UBC: variants seen among roughly 807,000 people sequenced by gnomAD.
UBC encodes ubiquitin C.
UBC carries 8 observed loss-of-function variants against 34.7 expected under a neutral mutation model. That is an observed-to-expected ratio of 0.23 (90% CI 0.14 to 0.42). UBC has a LOEUF of 0.42. UBC is among the 10% of genes least tolerant of loss of function. The pLI, the probability that UBC is intolerant of heterozygous loss-of-function variation, is 1.00. For synonymous variants in UBC, 367 were observed against 299.8 expected, an observed-to-expected ratio of 1.22 and a Z score of -2.32; for missense variants, 323 against 750.3, an observed-to-expected ratio of 0.43 and a Z score of 6.65.
Position 124,913,499 on chromosome 12 carries a change from A to C in UBC, c.273T>G (p.Leu91=), listed in dbSNP as rs776748275. ...VKTLTGKTIT[L]EVEPSDTIEN... ...CGATGGTGTCACTGGGCTCGACCTC[A>C]AGGGTGATGGTCTTGCCAGTGAGTG... The change falls in exon 2 of 2, where the codon CTT becomes CTG. Residue 91 remains leucine (L), a synonymous_variant. Coordinates refer to ENST00000339647, the MANE Select transcript of UBC (RefSeq NM_021009.7). 2 of 1,574,478 alleles carry C rather than the reference A, an allele frequency of 1.3e-6. No individual in the cohort carries two copies. Among genetic ancestry groups the C allele is most frequent in the African/African-American group, 1.6e-5 (1 of 62,026 alleles).
rs1395255980 is a variant in UBC at position 124,912,999 on chromosome 12, A to G, written c.773T>C (p.Ile258Thr). 1.2e-6 allele frequency: 2 copies of G among 1,610,856 alleles called. No individual in the cohort carries two copies. The highest frequency in any genetic ancestry group is 1.7e-6 in the Non-Finnish European group (2 of 1,179,006). Residue 258 changes from isoleucine (I) to threonine (T), a missense_variant, in exon 2 of 2, where the codon ATC becomes ACC. Ile to Thr is a moderately conservative substitution (Grantham distance 89, BLOSUM62 -1). This residue lies in a region of UBC where 202 missense variants were observed against 361.9 expected (regional missense o/e 0.56). Transcript: ENST00000339647. Reference sequence around the variant, plus strand: ...AGGAGGAATGCCTTCCTTGTCTTGGATCTTTGCTTTGACGTTCTCGATAGT... The same window carrying G: ...AGGAGGAATGCCTTCCTTGTCTTGGGTCTTTGCTTTGACGTTCTCGATAGT... ...SDTIENVKAK[I>T]QDKEGIPPDQ...
Position 124,911,831 on chromosome 12 carries a change from A to C in UBC, c.1941T>G (p.Asp647Glu). 6.5e-7 allele frequency: 1 copy of C among 1,527,688 alleles called. No homozygotes were observed. The highest frequency in any genetic ancestry group is 8.8e-7 in the Non-Finnish European group (1 of 1,134,670). 94.6% of individuals were successfully genotyped at this position (1,527,688 alleles called of 1,614,324 possible). Reference sequence around the variant, plus strand: ...TCCCAGCAAAGATCAACCTCTGCTGATCAGGAGGGATGCCTTCCTTATCTT... The same window carrying C: ...TCCCAGCAAAGATCAACCTCTGCTGCTCAGGAGGGATGCCTTCCTTATCTT... ...KIQDKEGIPPDQQRLIFAGKQ... is the reference protein window; with the variant it reads ...KIQDKEGIPPEQQRLIFAGKQ... Residue 647 changes from aspartate (D) to glutamate (E), a missense_variant, in exon 2 of 2, where the codon GAT (aspartate) becomes GAG (glutamate). Transcript: ENST00000339647.
rs1953539521 is a variant in UBC, at chr12:124,912,653, C to A, written c.1119G>T (p.Leu373=). 3.1e-6 allele frequency: 5 copies of A among 1,611,094 alleles called. No individual in the cohort carries two copies. The highest frequency in any genetic ancestry group is 2.7e-5 in the African/African-American group (2 of 73,862). The part of the protein sequence containing the change: ...YNIQKESTLH[L]VLRLRGGMQI... ...GCATCCCACCTCTGAGACGGAGCAC[C>A]AGGTGCAAGGTGGACTCTTTCTGGA... Residue 373 remains leucine (L), a synonymous_variant, in exon 2 of 2, where the codon CTG becomes CTT. Coordinates refer to ENST00000339647, the MANE Select transcript of UBC (RefSeq NM_021009.7).
chr12:124,913,881 A>C (rs1462452636), intron 1 of UBC, 107 bp from the exon 2 acceptor site: 2 of 1,517,208 alleles, frequency 1.3e-6, no homozygotes, highest in Non-Finnish European at 1.8e-6. Flanking sequence ...GTGCCTAAAA[A>C]ACTTCACAAA....
In UBC at chr12:124,913,652, C is replaced by T. The variant is rs911304137; in HGVS notation, c.120G>A (p.Gln40=). 3 of 1,613,486 alleles carry T rather than the reference C, an allele frequency of 1.9e-6. No homozygotes were observed. The highest frequency in any genetic ancestry group is 1.1e-5 in the South Asian group (1 of 91,028). The part of the protein sequence containing the change: ...IQDKEGIPPD[Q]QRLIFAGKQL... ...GTTTTCCAGCAAAGATCAGCCTCTG[C>T]TGGTCAGGAGGGATGCCTTCCTTAT... is the stretch of plus-strand genomic sequence containing the variant. Residue 40 remains glutamine, a synonymous_variant, in exon 2 of 2, where the codon CAG becomes CAA. Transcript: ENST00000339647.
chr12:124,914,031 G>C (rs1044721974), intron 1 of UBC: 1 of 558,796 alleles, frequency 1.8e-6, no homozygotes, highest in Non-Finnish European at 3.1e-6. Flanking sequence ...GTCGATTCAG[G>C]AGAGCCTACC....
chr12:124,912,563 A>T lies in UBC; in HGVS notation c.1209T>A (p.Ile403=). 1.9e-6 allele frequency: 3 copies of T among 1,551,898 alleles called. No homozygotes were observed. The highest frequency in any genetic ancestry group is 8.6e-7 in the Non-Finnish European group (1 of 1,156,390). Residue 403 remains isoleucine, a synonymous_variant, in exon 2 of 2, where the codon ATT becomes ATA. Transcript: ENST00000339647. ...ITLEVEPSDT[I]ENVKAKIQDK... ...CTTGGATCTTTGCCTTGACATTCTC[A>T]ATGGTGTCACTCGGCTCCACCTCGA...
chr12:124,911,902 C>T lies in UBC; in HGVS notation c.1870G>A (p.Glu624Lys), dbSNP rs763790896. 1 of 1,608,616 alleles carries T rather than the reference C, an allele frequency of 6.2e-7. No homozygotes were observed. Among genetic ancestry groups the T allele is most frequent in the Non-Finnish European group, 8.5e-7 (1 of 1,178,216 alleles). The change falls in exon 2 of 2, where the codon GAG becomes AAG. Residue 624 changes from glutamate to lysine, a missense_variant. Transcript: ENST00000339647. The part of the protein sequence containing the change: ...KTLTGKTITL[E>K]VEPSDTIENV... ...TCGATGGTGTCACTGGGCTCCACCTCGAGGGTGATGGTCTTACCAGTCAGG... is the reference window on the plus strand; with the variant it reads ...TCGATGGTGTCACTGGGCTCCACCTTGAGGGTGATGGTCTTACCAGTCAGG...
At position 124,913,542 on chromosome 12, in the gene UBC, A is replaced by T. The variant is rs1011982505; in HGVS notation, c.230T>A (p.Met77Lys). ...AGTGAGTGTCTTCACGAAGATTTGC[A>T]TCCCACCTCTGAGACGGAGCACCAG... ...LHLVLRLRGGMQIFVKTLTGK... is the reference protein window; with the variant it reads ...LHLVLRLRGGKQIFVKTLTGK... Residue 77 changes from methionine to lysine, a missense_variant, in exon 2 of 2, where the codon ATG becomes AAG. This residue lies in a region of UBC where 202 missense variants were observed against 361.9 expected (regional missense o/e 0.56). Transcript: ENST00000339647. The T allele has an allele frequency of 6.2e-7, 1 of 1,609,104 alleles. No homozygotes were observed. The highest frequency in any genetic ancestry group is 8.5e-7 in the Non-Finnish European group (1 of 1,178,488).
chr12:124,914,033 G>C (rs927660729), intron 1 of UBC: 1 of 552,848 alleles, frequency 1.8e-6, no homozygotes, highest in African/African-American at 1.9e-5. Context: ...CGATTCAGGA[G>C]AGCCTACCCT....
rs777361374 is a variant in UBC at position 124,911,728 on chromosome 12, T to G, written c.2044A>C (p.Arg682=). 2.5e-6 allele frequency: 4 copies of G among 1,595,732 alleles called. No homozygotes were observed. Among genetic ancestry groups the G allele is most frequent in the Admixed American group, 3.4e-5 (2 of 59,210 alleles). ...AAAGGGGAAACTTAGACACCCCCCC[T>G]CAAGCGCAGGACCAAGTGCAGAGTG... The part of the protein sequence containing the change: ...ESTLHLVLRL[R]GGV Residue 682 remains arginine (R), a synonymous_variant, in exon 2 of 2, where the codon AGG becomes CGG. Coordinates refer to ENST00000339647, the MANE Select transcript of UBC (RefSeq NM_021009.7).
rs769778414 is a variant in UBC at position 124,913,606 on chromosome 12, G to C, written c.166C>G (p.Leu56Val). 3 of 1,612,126 alleles carry C rather than the reference G, an allele frequency of 1.9e-6. No individual in the cohort carries two copies. The highest frequency in any genetic ancestry group is 2.5e-6 in the Non-Finnish European group (3 of 1,179,178). Residue 56 changes from leucine to valine, a missense_variant, in exon 2 of 2, where the codon CTG (leucine) becomes GTG (valine). By Grantham distance (32) the Leu-to-Val change is conservative. Transcript: ENST00000339647. ...AGKQLEDGRT[L>V]SDYNIQKEST... ...TCTTTCTGGATGTTGTAGTCAGACA[G>C]GGTGCGCCCATCTTCCAGCTGTTTT...
chr12:124,913,207 G>A lies in UBC; in HGVS notation c.565C>T (p.Pro189Ser), dbSNP rs1566302337. 4.3e-6 allele frequency: 7 copies of A among 1,611,556 alleles called. No individual in the cohort carries two copies. The highest frequency in any genetic ancestry group is 2.7e-5 in the African/African-American group (2 of 74,644). ...KAKIQDKEGIPPDQQRLIFAG... is the reference protein window; with the variant it reads ...KAKIQDKEGISPDQQRLIFAG... ...AAGATCAACCTCTGCTGATCAGGAG[G>A]AATGCCTTCCTTATCTTGGATCTTT... The change falls in exon 2 of 2, where the codon CCT becomes TCT. Residue 189 changes from proline (P) to serine (S), a missense_variant. Coordinates refer to ENST00000339647, the MANE Select transcript of UBC (RefSeq NM_021009.7).
Position 124,913,609 on chromosome 12 carries a change from T to C in UBC, c.163A>G (p.Thr55Ala), listed in dbSNP as rs763587345. 2 of 1,612,082 alleles carry C rather than the reference T, an allele frequency of 1.2e-6. No homozygotes were observed. Among genetic ancestry groups the C allele is most frequent in the Non-Finnish European group, 1.7e-6 (2 of 1,179,166 alleles). Residue 55 changes from threonine to alanine, a missense_variant, in exon 2 of 2, where the codon ACC becomes GCC. Physicochemically the swap from Thr to Ala is moderately conservative, Grantham distance 58 (BLOSUM62 0). Coordinates refer to ENST00000339647, the MANE Select transcript of UBC (RefSeq NM_021009.7). ...FAGKQLEDGR[T>A]LSDYNIQKES... ...TTCTGGATGTTGTAGTCAGACAGGG[T>C]GCGCCCATCTTCCAGCTGTTTTCCA...
intron 1 of UBC, 141 bp from the exon 2 acceptor site, chr12:124,913,915 A>T: frequency 7.4e-7 from 1 of 1,345,510 alleles, no homozygotes; most frequent in African/African-American, 1.5e-5. Context: ...CCCCGAGCGC[A>T]TAGTTCAAAA....
In UBC at chr12:124,911,674, A is replaced by C. The variant is rs747596739; in HGVS notation, c.*40T>G. ...GGAATGCAACAACTTTATTGAAAGG[A>C]AAGTGCAATGAAATTTGTTGAAACC... On this transcript the variant is annotated 3_prime_UTR_variant, in exon 2 of 2. Coordinates refer to ENST00000339647, the MANE Select transcript of UBC (RefSeq NM_021009.7). 2.5e-6 allele frequency: 4 copies of C among 1,578,732 alleles called. No individual in the cohort carries two copies. Among genetic ancestry groups the C allele is most frequent in the Middle Eastern group, 3.4e-4 (2 of 5,912 alleles).
chr12:124,913,148 C>G lies in UBC; in HGVS notation c.624G>C (p.Leu208=). 1.2e-6 allele frequency: 2 copies of G among 1,610,498 alleles called. No individual in the cohort carries two copies. Among genetic ancestry groups the G allele is most frequent in the South Asian group, 1.1e-5 (1 of 90,848 alleles). The change falls in exon 2 of 2, where the codon CTG becomes CTC. Residue 208 remains leucine (L), a synonymous_variant. Coordinates refer to ENST00000339647, the MANE Select transcript of UBC (RefSeq NM_021009.7). ...ACTCTTTCTGGATGTTGTAGTCAGA[C>G]AGGGTACGACCATCTTCCAGCTGTT... ...AGKQLEDGRT[L]SDYNIQKEST...
chr12:124,913,408 C>T lies in UBC; in HGVS notation c.364G>A (p.Ala122Thr). The change falls in exon 2 of 2, where the codon GCC (alanine) becomes ACC (threonine). Residue 122 changes from alanine to threonine, a missense_variant. By Grantham distance (58) the Ala-to-Thr change is moderately conservative. Transcript: ENST00000339647. ...CGCCCATCTTCCAGCTGCTTTCCGG[C>T]AAAGATCAACCTCTGCTGGTCAGGA... is the stretch of plus-strand genomic sequence containing the variant. ...IPPDQQRLIF[A>T]GKQLEDGRTL... The T allele has an allele frequency of 6.2e-7, 1 of 1,610,932 alleles. No individual in the cohort carries two copies. The highest frequency in any genetic ancestry group is 8.5e-7 in the Non-Finnish European group (1 of 1,179,260).
In UBC at chr12:124,913,397, C is replaced by T. The variant is rs781049573; in HGVS notation, c.375G>A (p.Gln125=). The T allele has an allele frequency of 3.7e-6, 6 of 1,611,082 alleles. No homozygotes were observed. Among genetic ancestry groups the T allele is most frequent in the Non-Finnish European group, 2.5e-6 (3 of 1,179,318 alleles). ...CAGACAGGGTGCGCCCATCTTCCAG[C>T]TGCTTTCCGGCAAAGATCAACCTCT... ...DQQRLIFAGK[Q]LEDGRTLSDY... The change falls in exon 2 of 2, where the codon CAG becomes CAA. Residue 125 remains glutamine (Q), a synonymous_variant. Transcript: ENST00000339647.
Sources: allele counts gnomAD v4.1 joint callset, GRCh38; gene constraint gnomAD v4.1.1; regional missense constraint gnomAD v4.1.1; transcripts MANE v1.5; gene names NCBI Gene and HGNC (gene_info 2026-07-23, HGNC 2026-07-21).